SENP5: variants seen among roughly 807,000 people sequenced by gnomAD.
SENP5 encodes sentrin-specific protease 5.
In SENP5, 21 loss-of-function variants were observed where a neutral mutation model predicts 74.2. The observed-to-expected ratio is 0.28, with a 90% CI of 0.20 to 0.41. SENP5 has a LOEUF of 0.41. Among genes scored for constraint, SENP5 ranks in the 10% least tolerant of loss-of-function variants. The probability of loss-of-function intolerance (pLI) is 1.00; values close to 1 mark genes in which losing one functional copy is unlikely to be tolerated. For synonymous variants in SENP5, 311 were observed against 312.7 expected, an observed-to-expected ratio of 0.99 and a Z score of 0.06; for missense variants, 717 against 889.1, an observed-to-expected ratio of 0.81 and a Z score of 2.46.
At chr3:196,905,264 A>C (rs749710219) in intron 6 of SENP5, 2 of 152,324 alleles carry the variant, frequency 1.3e-5, no homozygotes, top group East Asian at 3.9e-4. Flanking sequence ...CTTTGCTGTC[A>C]CACCACAACA....
At chr3:196,906,596 T>G (rs1288575905) in intron 6 of SENP5, among the ~76,000 whole-genome samples, 8 of 152,072 alleles carry the variant, frequency 5.3e-5, no homozygotes, top group African/African-American at 1.2e-4. Context: ...TGAATACAAG[T>G]TAACTAGGTA....
At position 196,886,660 on chromosome 3, in the gene SENP5, A is replaced by G; in HGVS notation, c.1479A>G (p.Pro493=). Reference sequence around the variant, plus strand: ...GAAAGAACAGTCAGAAAGCCTCTCCAGTGGATGATGAACAGCTGTCAGTCT... The same window carrying G: ...GAAAGAACAGTCAGAAAGCCTCTCCGGTGGATGATGAACAGCTGTCAGTCT... ...GGGKNSQKAS[P]VDDEQLSVCL... is the part of the protein sequence containing the mutation. The change falls in exon 2 of 10, where the codon CCA becomes CCG. Residue 493 remains proline, a synonymous_variant. Coordinates refer to ENST00000323460, the MANE Select transcript of SENP5 (RefSeq NM_152699.5). 2 of 1,585,386 alleles carry G rather than the reference A, an allele frequency of 1.3e-6. No individual in the cohort carries two copies. The highest frequency in any genetic ancestry group is 1.7e-6 in the Non-Finnish European group (2 of 1,168,282).
chr3:196,926,639 C>CG (rs1715823730), intron 7 of SENP5, among the ~76,000 whole-genome samples: 1 of 126,684 alleles, frequency 7.9e-6, no homozygotes, highest in African/African-American at 3.0e-5. Context: ...TCCAGTCCAC[C>CG]TTTTTTTTTT....
intron 2 of SENP5, 28 bp from the exon 3 acceptor site, chr3:196,899,638 T>G: frequency 6.9e-7 from 1 of 1,455,810 alleles, no homozygotes; most frequent in South Asian, 1.1e-5. Flanking sequence ...TTTTTCCATC[T>G]TAACTTTTCT....
chr3:196,923,366 T>G, intron 6 of SENP5, 48 bp from the exon 7 acceptor site: 1 of 1,553,884 alleles, frequency 6.4e-7, no homozygotes, highest in African/African-American at 1.4e-5. Flanking sequence ...TTTGGTGGTT[T>G]GGATAGCCTG....
At chr3:196,928,950 G>A (rs747985714) in intron 8 of SENP5, among the ~76,000 whole-genome samples, 18 of 152,168 alleles carry the variant, frequency 1.2e-4, no homozygotes, top group Non-Finnish European at 2.4e-4. Flanking sequence ...AGCACTTTGG[G>A]AGGCAAAGGT....
rs60709976 is a variant in SENP5, at chr3:196,896,432, A to G, written c.1514-3234A>G. ...GAGGTAACAACCTCTCAAAGCTTCT[A>G]ATGTCTCCATTTGATTGACTGGTTG... On this transcript the variant is annotated intron_variant, in intron 2 of 9. Transcript: ENST00000323460. Among the ~76,000 whole-genome samples, 1,086 of 150,368 alleles carry G rather than the reference A, an allele frequency of 7.2e-3. 9 individuals are homozygous for G. The highest frequency in any genetic ancestry group is 0.025 in the African/African-American group (1,029 of 40,994).
At chr3:196,922,704 T>G (rs1166485694) in intron 6 of SENP5, among the ~76,000 whole-genome samples, 2 of 152,170 alleles carry the variant, frequency 1.3e-5, no homozygotes, top group Admixed American at 1.3e-4. Flanking sequence ...CAGTGCAACC[T>G]CCGCCTCCCA....
intron 1 of SENP5, among the ~76,000 whole-genome samples, chr3:196,879,129 T>C (rs1713612378): frequency 1.3e-5 from 2 of 152,192 alleles, no homozygotes; most frequent in South Asian, 4.1e-4. Context: ...ATACTTAGTA[T>C]CCTTGGACCC....
Position 196,914,647 on chromosome 3 carries a change from G to A in SENP5, c.1885-8767G>A, listed in dbSNP as rs1395369893. 3 of 137,060 alleles carry A rather than the reference G, an allele frequency of 2.2e-5. No homozygotes were observed. The East Asian group carries it at 6.2e-4, about 28-fold the overall frequency. 8.5% of individuals were successfully genotyped at this position (137,060 alleles called of 1,614,324 possible). The stretch of plus-strand genomic sequence containing the variant: ...CACATACATATGTGTGTGGGGAGGG[G>A]TTTTATAAGAATTGGTTAAGCTGAG... On this transcript the variant is annotated intron_variant, in intron 6 of 9. Coordinates refer to ENST00000323460, the MANE Select transcript of SENP5 (RefSeq NM_152699.5).
intron 1 of SENP5, among the ~76,000 whole-genome samples, chr3:196,880,840 C>T (rs1174009754): frequency 1.3e-5 from 2 of 151,864 alleles, no homozygotes; most frequent in South Asian, 2.1e-4. Context: ...AGGGTTTCAC[C>T]GTGTTGGCCA....
rs143139107 is a variant in SENP5, at chr3:196,877,062, A to G, written c.-31-8089A>G. Among the ~76,000 whole-genome samples the G allele has an allele frequency of 9.3e-3, 1,414 of 152,124 alleles. 23 individuals carry two copies. Among genetic ancestry groups the G allele is most frequent in the African/African-American group, 0.033 (1,352 of 41,520 alleles). ...TGGCTGGGCATGGAGGCTCATGCCT[A>G]TAATCCCAGCACTTTGGGAGGTTGA... On this transcript the variant is annotated intron_variant, in intron 1 of 9. Coordinates refer to ENST00000323460, the MANE Select transcript of SENP5 (RefSeq NM_152699.5).
chr3:196,931,604 A>C lies in SENP5; in HGVS notation c.*681A>C. 4.0e-6 allele frequency: 1 copy of C among 248,984 alleles called. No individual in the cohort carries two copies. The highest frequency in any genetic ancestry group is 3.9e-5 in the South Asian group (1 of 25,568). 15.4% of individuals were successfully genotyped at this position (248,984 alleles called of 1,614,324 possible). The stretch of plus-strand genomic sequence containing the variant: ...AAAAGCAACCTTGGAGGCCAGTAAC[A>C]ATGACAGATTTCAATCGTGGTTTTA... On this transcript the variant is annotated 3_prime_UTR_variant, in exon 10 of 10. Transcript: ENST00000323460.
Position 196,923,531 on chromosome 3 carries a change from C to T in SENP5, c.2002C>T (p.His668Tyr), listed in dbSNP as rs1414861007. The T allele has an allele frequency of 6.2e-7, 1 of 1,606,760 alleles. No homozygotes were observed. Among genetic ancestry groups the T allele is most frequent in the Non-Finnish European group, 8.5e-7 (1 of 1,175,922 alleles). Residue 668 changes from histidine (H) to tyrosine (Y), a missense_variant, in exon 7 of 10, where the codon CAT (histidine) becomes TAT (tyrosine). Around this residue, in one of 4 missense-constraint regions of SENP5, gnomAD observed 85 missense variants for 188.9 expected, o/e 0.45. Coordinates refer to ENST00000323460, the MANE Select transcript of SENP5 (RefSeq NM_152699.5). ...TTCATTTTATGATTCCCAAGGCATTCATTTTAAGTTTTGTGTAGAGGTAAG... is the reference window on the plus strand; with the variant it reads ...TTCATTTTATGATTCCCAAGGCATTTATTTTAAGTTTTGTGTAGAGGTAAG... ...IISFYDSQGI[H>Y]FKFCVENIRK... is the part of the protein sequence containing the mutation.
intron 1 of SENP5, among the ~76,000 whole-genome samples, chr3:196,868,334 C>A (rs1713024823): frequency 2.0e-5 from 3 of 152,376 alleles, no homozygotes; most frequent in South Asian, 4.1e-4. Flanking sequence ...GGGAAGCTGG[C>A]GCCCCCCAGC....
At chr3:196,914,988 A>G (rs1715313280) in intron 6 of SENP5, among the ~76,000 whole-genome samples, 2 of 152,178 alleles carry the variant, frequency 1.3e-5, no homozygotes, top group South Asian at 2.1e-4. Context: ...TCATATCACA[A>G]TGGAATACAA....
intron 1 of SENP5, among the ~76,000 whole-genome samples, chr3:196,884,613 A>G (rs1416467369): frequency 1.3e-5 from 2 of 151,342 alleles, no homozygotes; most frequent in Non-Finnish European, 2.9e-5. Context: ...AGGACTGAAC[A>G]CATGTTTACC....
At chr3:196,907,252 T>A (rs1307621787) in intron 6 of SENP5, among the ~76,000 whole-genome samples, 1 of 151,902 alleles carries the variant, frequency 6.6e-6, no homozygotes, top group Non-Finnish European at 1.5e-5. Flanking sequence ...GGCAGGCGGA[T>A]CACGAGGTCA....
At chr3:196,868,935 C>T (rs1281200197) in intron 1 of SENP5, among the ~76,000 whole-genome samples, 1 of 147,974 alleles carries the variant, frequency 6.8e-6, no homozygotes, top group Non-Finnish European at 1.5e-5. Context: ...GAAAAGGTTG[C>T]CTAGAGATGC....
Sources: gnomAD v4.1 joint callset for allele counts (sites outside exome capture counted in the v4.1 genomes callset) on GRCh38, gnomAD v4.1.1 for gene constraint, gnomAD v4.1.1 regional missense constraint, MANE v1.5 for transcripts, NCBI Gene and HGNC (gene_info 2026-07-23, HGNC 2026-07-21) for gene names.